AHR: variants seen among roughly 807,000 people sequenced by gnomAD.
AHR encodes the protein AH-receptor.
A neutral mutation model predicts 86.8 loss-of-function variants in AHR; 40 were observed. The ratio of observed to expected loss-of-function variants is 0.46; its 90% CI spans 0.36 to 0.60. The LOEUF is 0.60. Ranked by LOEUF, AHR falls within the 20% of genes least tolerant of loss-of-function variation. The probability of loss-of-function intolerance (pLI) is 0.00; values close to 1 mark genes in which losing one functional copy is unlikely to be tolerated. For synonymous variants in AHR, 398 were observed against 354.9 expected (o/e 1.12, Z -1.37); for missense variants, 1,001 against 1,011.6 (o/e 0.99, Z 0.14).
intron 4 of AHR, among the ~76,000 whole-genome samples, chr7:17,329,083 C>G (rs1205730015): frequency 6.6e-6 from 1 of 151,830 alleles, no homozygotes; most frequent in Non-Finnish European, 1.5e-5. Flanking sequence ...TTTTTTCTCG[C>G]ATATACACAT....
At chr7:17,330,959 C>A in intron 6 of AHR, 73 bp downstream of exon 6, 2 of 1,508,988 alleles carry the variant, frequency 1.3e-6, no homozygotes, top group Non-Finnish European at 1.8e-6. Flanking sequence ...TTTAATTTAG[C>A]AAAATATAAT....
At chr7:17,335,309 T>C (rs1441277956) in intron 8 of AHR, among the ~76,000 whole-genome samples, 1 of 152,130 alleles carries the variant, frequency 6.6e-6, no homozygotes, top group African/African-American at 2.4e-5. Context: ...ATAGTGTTAA[T>C]AATTCTAGTT....
chr7:17,320,301 A>G (rs1378060062), intron 2 of AHR, among the ~76,000 whole-genome samples: 2 of 152,072 alleles, frequency 1.3e-5, no homozygotes, highest in East Asian at 3.8e-4. Context: ...CTCCCAGTAC[A>G]AGCCCAAGAA....
intron 2 of AHR, among the ~76,000 whole-genome samples, chr7:17,317,954 C>T (rs954518798): frequency 1.4e-4 from 21 of 151,798 alleles, no homozygotes; most frequent in African/African-American, 4.6e-4. Flanking sequence ...AAACTGAGTG[C>T]GTACCAATGA....
rs1015370258 is a variant in AHR, at chr7:17,343,305, A to G, written c.*241A>G. 2 of 506,676 alleles carry G rather than the reference A, an allele frequency of 3.9e-6. No homozygotes were observed. The highest frequency in any genetic ancestry group is 2.0e-5 in the African/African-American group (1 of 50,034). 31.4% of individuals were successfully genotyped at this position (506,676 alleles called of 1,614,324 possible). A position where few individuals can be genotyped will look rare whatever the true frequency, so the allele number is the denominator to read the frequency against. ...GGGTGCTGCCACGGAGTGGTGAGGTACCGTCTACATTTCACATTATTCTGG... is the reference window on the plus strand; with the variant it reads ...GGGTGCTGCCACGGAGTGGTGAGGTGCCGTCTACATTTCACATTATTCTGG... On this transcript the variant is annotated 3_prime_UTR_variant, in exon 11 of 11. Coordinates refer to ENST00000242057, the MANE Select transcript of AHR (RefSeq NM_001621.5).
chr7:17,302,866 C>T (rs952272931), intron 1 of AHR, among the ~76,000 whole-genome samples: 2 of 151,390 alleles, frequency 1.3e-5, no homozygotes, highest in East Asian at 1.9e-4. Flanking sequence ...GAAACAGAAA[C>T]GTAAATTCTA....
intron 10 of AHR, among the ~76,000 whole-genome samples, 196 bp from the exon 11 acceptor site, chr7:17,342,725 T>C (rs1438152789): frequency 6.6e-6 from 1 of 152,168 alleles, no homozygotes; most frequent in African/African-American, 2.4e-5. Flanking sequence ...AAACAGGTTA[T>C]AAATGCAACT....
In AHR at chr7:17,308,700, AACACACACACAC is replaced by A. The variant is rs372879452; in HGVS notation, c.66-1216_66-1205del. On this transcript the variant is annotated intron_variant, in intron 1 of 10. Transcript: ENST00000242057. Reference sequence around the variant, plus strand: ...GAAGGTATCTGTTGATACATACATAAACACACACACACACACACACACACACACACATCATTT... The same window carrying A: ...GAAGGTATCTGTTGATACATACATAAACACACACACACACACACATCATTT... Among the ~76,000 whole-genome samples the A allele has an allele frequency of 5.5e-4, 77 of 139,586 alleles. 1 individual carries two copies. Among genetic ancestry groups the A allele is most frequent in the African/African-American group, 1.7e-3 (67 of 38,860 alleles). 91.6% of individuals were successfully genotyped at this position (139,586 alleles called of 152,430 possible).
chr7:17,329,904 T>A (rs762839273), intron 4 of AHR, 48 bp from the exon 5 acceptor site: 5 of 1,533,022 alleles, frequency 3.3e-6, no homozygotes, highest in Non-Finnish European at 4.4e-6. Flanking sequence ...TTTAGCCATA[T>A]TTTTTAATCA....
rs1035394113 is a variant in AHR, at chr7:17,333,932, G to A, written c.726G>A (p.Lys242=). 2 of 1,612,902 alleles carry A rather than the reference G, an allele frequency of 1.2e-6. No homozygotes were observed. Among genetic ancestry groups the A allele is most frequent in the East Asian group, 4.5e-5 (2 of 44,860 alleles). Residue 242 remains lysine, a synonymous_variant, in exon 7 of 11, where the codon AAG becomes AAA. Transcript: ENST00000242057. ...TTAAGGCAATGAATTTCCAAGGGAA[G>A]TTAAAGTATCTTCATGGACAGAAAA... is the stretch of plus-strand genomic sequence containing the variant. ...SGFLAMNFQG[K]LKYLHGQKKK...
intron 7 of AHR, 45 bp downstream of exon 7, chr7:17,334,159 G>A (rs1371005498): frequency 2.7e-6 from 4 of 1,497,220 alleles, no homozygotes; most frequent in South Asian, 2.3e-5. Context: ...TGTACATTAT[G>A]TTTCAGTAAG....
In AHR at chr7:17,339,754, G is replaced by A; in HGVS notation, c.1929G>A (p.Lys643=). The A allele has an allele frequency of 6.2e-7, 1 of 1,614,164 alleles. No individual in the cohort carries two copies. The highest frequency in any genetic ancestry group is 8.5e-7 in the Non-Finnish European group (1 of 1,180,022). ...AGCAACAGCTGTGTCAGAAGATGAA[G>A]CACATGCAAGTTAATGGCATGTTTG... ...EPQQQLCQKM[K]HMQVNGMFEN... The change falls in exon 10 of 11, where the codon AAG becomes AAA. Residue 643 remains lysine, a synonymous_variant. Transcript: ENST00000242057.
At chr7:17,313,230 C>T (rs1782083789) in intron 2 of AHR, among the ~76,000 whole-genome samples, 1 of 151,772 alleles carries the variant, frequency 6.6e-6, no homozygotes, top group Admixed American at 6.6e-5. Flanking sequence ...TAAGGGTGAC[C>T]CTTATGAACT....
At position 17,344,048 on chromosome 7, in the gene AHR, C is replaced by T. The variant is rs1782456431; in HGVS notation, c.*984C>T. On this transcript the variant is annotated 3_prime_UTR_variant, in exon 11 of 11. Transcript: ENST00000242057. ...TGAATGTTGCAATGTGAAAAATCTG[C>T]TGTTAACTGCAACCTTGTTTATTAA... The T allele has an allele frequency of 6.6e-6, 1 of 152,558 alleles. No individual in the cohort carries two copies. The allele number at this position is 152,558 out of a possible 1,614,324, so 9.5% of individuals were successfully genotyped here.
At chr7:17,320,169 C>G (rs1177985278) in intron 2 of AHR, among the ~76,000 whole-genome samples, 1 of 151,856 alleles carries the variant, frequency 6.6e-6, no homozygotes, top group Non-Finnish European at 1.5e-5. Flanking sequence ...TCCTGTAATA[C>G]TTTAATTAAA....
chr7:17,329,937 A>C lies in AHR; in HGVS notation c.451-15A>C, dbSNP rs752115602. ...TCAGTCCTTTTGTTGTATTCCTTGT[A>C]TCTTTTTTCTTTAGTCTGATGTCAT... On this transcript the variant is annotated splice_polypyrimidine_tract_variant and intron_variant, in intron 4 of 10. Transcript: ENST00000242057. 1 of 1,594,868 alleles carries C rather than the reference A, an allele frequency of 6.3e-7. No individual in the cohort carries two copies. Among genetic ancestry groups the C allele is most frequent in the African/African-American group, 1.4e-5 (1 of 73,906 alleles).
Position 17,339,978 on chromosome 7 carries a change from A to ACT in AHR, c.2154_2155dup (p.Tyr719SerfsTer18). The ACT allele has an allele frequency of 6.2e-7, 1 of 1,614,220 alleles. No individual in the cohort carries two copies. Among genetic ancestry groups the ACT allele is most frequent in the Non-Finnish European group, 8.5e-7 (1 of 1,180,028 alleles). ...CAACATTCCAAATGTACAGAGCTGG[A>ACT]CTACCCTATGGGGAGTTTTGAACCA... On this transcript the variant is annotated frameshift_variant, in exon 10 of 11. Coordinates refer to ENST00000242057, the MANE Select transcript of AHR (RefSeq NM_001621.5).
chr7:17,311,075 T>C (rs1782059445), intron 2 of AHR, among the ~76,000 whole-genome samples: 1 of 152,228 alleles, frequency 6.6e-6, no homozygotes, highest in Non-Finnish European at 1.5e-5. Flanking sequence ...TACCTTTAAA[T>C]TGCAATGGAA....
intron 6 of AHR, among the ~76,000 whole-genome samples, chr7:17,333,505 T>C (rs1476863990): frequency 6.6e-6 from 1 of 151,994 alleles, no homozygotes; most frequent in Non-Finnish European, 1.5e-5. Flanking sequence ...CTATGCAGTA[T>C]GCTATGAGCT....
Sources: allele counts gnomAD v4.1 joint callset (sites outside exome capture counted in the v4.1 genomes callset), GRCh38; gene constraint gnomAD v4.1.1; transcripts MANE v1.5; gene names NCBI Gene and HGNC (gene_info 2026-07-23, HGNC 2026-07-21).